The following DNAH1 variants were observed in gnomAD, a reference collection of about 807,000 sequenced individuals.
The protein encoded by DNAH1 is dynein axonemal heavy chain 1, also known as axonemal beta dynein heavy chain 1.
A neutral mutation model predicts 484.3 loss-of-function variants in DNAH1; 327 were observed. The observed-to-expected ratio is 0.68, with a 90% CI of 0.62 to 0.74. The LOEUF (loss-of-function observed/expected upper bound fraction) is 0.74. Ranked by LOEUF, DNAH1 falls within the 30% of genes least tolerant of loss-of-function variation. The probability of loss-of-function intolerance (pLI) is 0.00; values close to 1 mark genes in which losing one functional copy is unlikely to be tolerated. For synonymous variants in DNAH1, 2,192 were observed against 2,191.9 expected, an observed-to-expected ratio of 1.00 and a Z score of 0.00; for missense variants, 5,052 against 5,546.8, an observed-to-expected ratio of 0.91 and a Z score of 2.83.
At chr3:52,350,790 C>T (rs1702343713) in intron 16 of DNAH1, among the ~76,000 whole-genome samples, 200 bp downstream of exon 16, 1 of 152,228 alleles carries the variant, frequency 6.6e-6, no homozygotes, top group African/African-American at 2.4e-5. Flanking sequence ...TTCATTTGGG[C>T]CTCTTGGCCT....
chr3:52,388,850 G>C lies in DNAH1; in HGVS notation c.9408G>C (p.Thr3136=), dbSNP rs774657348. The change falls in exon 59 of 78, where the codon ACG becomes ACC. Residue 3136 remains threonine, a synonymous_variant. Coordinates refer to ENST00000420323, the MANE Select transcript of DNAH1 (RefSeq NM_015512.5). ...LSDEKVRWQE[T]VENLQYMLNN... ...ATGAGAAGGTGCGCTGGCAGGAGAC[G>C]GTGGAGAACCTGCAGTACATGCTCA... is the stretch of plus-strand genomic sequence containing the variant. 1.9e-6 allele frequency: 3 copies of C among 1,613,744 alleles called. No individual in the cohort carries two copies. Among genetic ancestry groups the C allele is most frequent in the South Asian group, 1.1e-5 (1 of 91,052 alleles).
chr3:52,397,963 T>C (rs1398096536), intron 74 of DNAH1, 69 bp from the exon 75 acceptor site: 3 of 1,585,370 alleles, frequency 1.9e-6, no homozygotes, highest in Middle Eastern at 1.7e-4. Flanking sequence ...AGGACCCCTA[T>C]GCATGTGGAA....
chr3:52,365,108 C>A lies in DNAH1; in HGVS notation c.5518+89C>A, dbSNP rs1703019728. ...GGGGGACAGAGACAGGACAGTCCAA[C>A]CCCAGGGGCCCTCACACCTGGCCAA... On this transcript the variant is annotated intron_variant, in intron 34 of 77. Transcript: ENST00000420323. The A allele has an allele frequency of 2.0e-6, 3 of 1,482,246 alleles. No individual in the cohort carries two copies. The African/African-American group carries it at 4.2e-5, about 21-fold the overall frequency. 91.8% of individuals were successfully genotyped at this position (1,482,246 alleles called of 1,614,324 possible).
In DNAH1 at chr3:52,322,698, G is replaced by GA; in HGVS notation, c.257dup (p.Asp86GlufsTer2). 6.2e-7 allele frequency: 1 copy of GA among 1,613,802 alleles called. No homozygotes were observed. Among genetic ancestry groups the GA allele is most frequent in the Non-Finnish European group, 8.5e-7 (1 of 1,179,820 alleles). On this transcript the variant is annotated frameshift_variant, in exon 2 of 78. Coordinates refer to ENST00000420323, the MANE Select transcript of DNAH1 (RefSeq NM_015512.5). LOFTEE classifies it high-confidence loss of function. ...ACGGAAGTCACCCCTGACAGGCACT[G>GA]ATAAGAAGTACCCGCTGATGAAGCA...
Position 52,361,754 on chromosome 3 carries a change from G to T in DNAH1, c.4968G>T (p.Ala1656=). The T allele has an allele frequency of 6.2e-7, 1 of 1,607,398 alleles. No individual in the cohort carries two copies. The highest frequency in any genetic ancestry group is 8.5e-7 in the Non-Finnish European group (1 of 1,177,240). Residue 1656 remains alanine, a synonymous_variant, in exon 30 of 78, where the codon GCG becomes GCT. Transcript: ENST00000420323. This position sits in a 1 kb window ranked among gnomAD's most constrained non-coding sequence, Gnocchi z 5.6. ...VAQQITTIQK[A]QQQRVERFMF... is the part of the protein sequence containing the mutation. ...AGCAGATCACCACCATCCAGAAGGC[G>T]CAGCAGCAGCGGGTGAGCCCGGGGG...
rs373688652 is a variant in DNAH1 at position 52,353,374 on chromosome 3, C to T, written c.3227-6C>T. ...GCCTCTCATGCGTTTCTGTCTTACCCGGCAGCCTGCCAGGAAGTGGCCTTG... is the reference window on the plus strand; with the variant it reads ...GCCTCTCATGCGTTTCTGTCTTACCTGGCAGCCTGCCAGGAAGTGGCCTTG... On this transcript the variant is annotated splice_region_variant and splice_polypyrimidine_tract_variant and intron_variant, in intron 19 of 77. Coordinates refer to ENST00000420323, the MANE Select transcript of DNAH1 (RefSeq NM_015512.5). The surrounding 1 kb of genome is among the most constrained non-coding windows in gnomAD (Gnocchi z 5.0). 21 of 1,608,822 alleles carry T rather than the reference C, an allele frequency of 1.3e-5. No individual in the cohort carries two copies. Among genetic ancestry groups the T allele is most frequent in the Admixed American group, 1.7e-5 (1 of 59,860 alleles).
rs779332549 is a variant in DNAH1 at position 52,347,829 on chromosome 3, G to A, written c.1961G>A (p.Arg654Gln). ...DDLINSPYRP[R>Q]KNPLFIMDLV... ...CAGCTCGCCATTGCCTGCAGGCCCCGGAAGAATCCCCTGTTCATCATGGAC... is the reference window on the plus strand; with the variant it reads ...CAGCTCGCCATTGCCTGCAGGCCCCAGAAGAATCCCCTGTTCATCATGGAC... Residue 654 changes from arginine (R) to glutamine (Q), a missense_variant, in exon 12 of 78, where the codon CGG becomes CAG. Physicochemically the swap from Arg to Gln is conservative, Grantham distance 43 (BLOSUM62 1). Coordinates refer to ENST00000420323, the MANE Select transcript of DNAH1 (RefSeq NM_015512.5). 6.2e-5 allele frequency: 99 copies of A among 1,586,936 alleles called. No homozygotes were observed. Among genetic ancestry groups the A allele is most frequent in the Non-Finnish European group, 7.8e-5 (91 of 1,165,020 alleles).
chr3:52,377,174 C>G lies in DNAH1; in HGVS notation c.7198+1181C>G, dbSNP rs551928219. Among the ~76,000 whole-genome samples, 3 of 152,234 alleles carry G rather than the reference C, an allele frequency of 2.0e-5. No homozygotes were observed. The South Asian group carries it at 6.2e-4, about 32-fold the overall frequency. On this transcript the variant is annotated intron_variant, in intron 46 of 77. Transcript: ENST00000420323. ...TGGGATGTCCACAGGGTATCTCAGG[C>G]CAAACCTGTCCAGAGCCAAACTCCC...
At chr3:52,386,993 C>A in intron 56 of DNAH1, 140 bp downstream of exon 56, 1 of 917,862 alleles carries the variant, frequency 1.1e-6, no homozygotes, top group South Asian at 1.8e-5. Context: ...CTGTCCACCT[C>A]CACACCACCA....
rs186185022 is a variant in DNAH1 at position 52,395,523 on chromosome 3, T to C, written c.11128-24T>C. ...CTGGGGGGTGGGCAAGCTGGCCCCC[T>C]GCTCAGTGCTCTTGCCCCTGCAGGG... is the stretch of plus-strand genomic sequence containing the variant. On this transcript the variant is annotated intron_variant, in intron 69 of 77. Coordinates refer to ENST00000420323, the MANE Select transcript of DNAH1 (RefSeq NM_015512.5). The surrounding 1 kb of genome is among the most constrained non-coding windows in gnomAD (Gnocchi z 4.4). 5.6e-3 allele frequency: 9,009 copies of C among 1,613,308 alleles called. 69 individuals are homozygous for C. The highest frequency in any genetic ancestry group is 0.023 in the South Asian group (2,117 of 91,092).
chr3:52,386,688 G>A lies in DNAH1; in HGVS notation c.8838G>A (p.Pro2946=), dbSNP rs547630757. 5.0e-5 allele frequency: 79 copies of A among 1,589,626 alleles called. 2 individuals carry two copies. In the South Asian group the frequency reaches 7.5e-4, roughly 15 times the overall value. Residue 2946 remains proline, a synonymous_variant, in exon 56 of 78, where the codon CCG becomes CCA. Transcript: ENST00000420323. ...TACGTGCCATGCAGCGGCCACCCCC[G>A]GGTGTGAAACTGGTCATAGAAGCTG... The part of the protein sequence containing the change: ...TEVRAMQRPP[P]GVKLVIEAVC...
chr3:52,394,536 G>A lies in DNAH1; in HGVS notation c.10698G>A (p.Leu3566=), dbSNP rs201495938. Residue 3566 remains leucine (L), a synonymous_variant, in exon 67 of 78, where the codon CTG becomes CTA. Transcript: ENST00000420323. ...IMTENPAPDW[L]SDRAWRDILA... is the part of the protein sequence containing the mutation. ...CTGAGAATCCGGCACCGGACTGGCT[G>A]TCAGACCGGGCTTGGCGAGACATCC... is the stretch of plus-strand genomic sequence containing the variant. The A allele has an allele frequency of 5.1e-5, 83 of 1,614,022 alleles. No individual in the cohort carries two copies. The Admixed American group carries it at 7.0e-4, about 14-fold the overall frequency.
At position 52,395,939 on chromosome 3, in the gene DNAH1, T is replaced by C. The variant is rs931374432; in HGVS notation, c.11259+261T>C. On this transcript the variant is annotated intron_variant, in intron 70 of 77. Transcript: ENST00000420323. The surrounding 1 kb of genome is among the most constrained non-coding windows in gnomAD (Gnocchi z 4.4). The stretch of plus-strand genomic sequence containing the variant: ...CGTGACCTGGGACTTGCCAAAGCCC[T>C]TTTTTTTTTTTTTTTTTCAGACGGA... Among the ~76,000 whole-genome samples the C allele has an allele frequency of 3.1e-5, 4 of 128,544 alleles. No homozygotes were observed. The highest frequency in any genetic ancestry group is 9.5e-5 in the African/African-American group (3 of 31,576). 84.3% of individuals were successfully genotyped at this position (128,544 alleles called of 152,430 possible). A position where few individuals can be genotyped will look rare whatever the true frequency, so the allele number is the denominator to read the frequency against.
Position 52,381,126 on chromosome 3 carries a change from G to C in DNAH1, c.7609-514G>C, listed in dbSNP as rs1372304277. On this transcript the variant is annotated intron_variant, in intron 48 of 77. Coordinates refer to ENST00000420323, the MANE Select transcript of DNAH1 (RefSeq NM_015512.5). This position sits in a 1 kb window ranked among gnomAD's most constrained non-coding sequence, Gnocchi z 4.1. ...GTTTGTGTGTGTGTGTATGTGACTG[G>C]GTCTTGCTCCATCACCTAGGCTGGA... is the stretch of plus-strand genomic sequence containing the variant. Among the ~76,000 whole-genome samples the C allele has an allele frequency of 1.3e-5, 2 of 151,980 alleles. No individual in the cohort carries two copies. The highest frequency in any genetic ancestry group is 2.9e-5 in the Non-Finnish European group (2 of 68,002).
chr3:52,395,120 G>C lies in DNAH1; in HGVS notation c.10968+61G>C. The C allele has an allele frequency of 6.4e-7, 1 of 1,556,528 alleles. No individual in the cohort carries two copies. The highest frequency in any genetic ancestry group is 1.9e-5 in the Admixed American group (1 of 53,114). ...AGCTTGTCCCCACCCTGGGTCCCAG[G>C]GCCCTGGCTGCATCTGGATAGACTA... is the stretch of plus-strand genomic sequence containing the variant. On this transcript the variant is annotated intron_variant, in intron 68 of 77. Coordinates refer to ENST00000420323, the MANE Select transcript of DNAH1 (RefSeq NM_015512.5). The surrounding 1 kb of genome is among the most constrained non-coding windows in gnomAD (Gnocchi z 4.4).
rs183889588 is a variant in DNAH1, at chr3:52,332,130, C to T, written c.1034-12C>T. On this transcript the variant is annotated splice_polypyrimidine_tract_variant and intron_variant, in intron 7 of 77. Transcript: ENST00000420323. ...ATTGTGTGTCCCCTTCTCCCTCTCA[C>T]CCGGCCCCCAGGAAGGCCACCCCTT... The T allele has an allele frequency of 5.6e-5, 86 of 1,547,848 alleles. No individual in the cohort carries two copies. The East Asian group carries it at 1.9e-3, about 35-fold the overall frequency.
intron 52 of DNAH1, 122 bp from the exon 53 acceptor site, chr3:52,384,664 A>G: frequency 2.0e-6 from 2 of 986,892 alleles, no homozygotes; most frequent in South Asian, 1.8e-5. Context: ...AGTGAATGTG[A>G]GAGGCATGGA....
At chr3:52,389,731 G>A in intron 60 of DNAH1, 145 bp downstream of exon 60, 1 of 1,003,804 alleles carries the variant, frequency 1.0e-6, no homozygotes, top group Non-Finnish European at 1.3e-6. Context: ...CCCAGCAAGA[G>A]GGTGGTAGGA....
chr3:52,399,872 A>G lies in DNAH1; in HGVS notation c.12676+93A>G, dbSNP rs1254635368. 3.9e-6 allele frequency: 5 copies of G among 1,295,144 alleles called. No individual in the cohort carries two copies. The African/African-American group carries it at 4.4e-5, about 11-fold the overall frequency. 80.2% of individuals were successfully genotyped at this position (1,295,144 alleles called of 1,614,324 possible). A position where few individuals can be genotyped will look rare whatever the true frequency, so the allele number is the denominator to read the frequency against. On this transcript the variant is annotated intron_variant, in intron 77 of 77. Transcript: ENST00000420323. ...CCAGTCACTTATCCAGGTTAGCTGA[A>G]CAAGGAAGGACAACAGAGATTTGGG...
Sources: allele counts gnomAD v4.1 joint callset (sites outside exome capture counted in the v4.1 genomes callset), GRCh38; gene constraint gnomAD v4.1.1; non-coding constraint Gnocchi (gnomAD v3.1); transcripts MANE v1.5; gene names NCBI Gene and HGNC (gene_info 2026-07-23, HGNC 2026-07-21).